MAP2: variants seen among roughly 807,000 people sequenced by gnomAD.
MAP2 encodes microtubule associated protein 2, also known as microtubule-associated protein 2.
Under a neutral mutation model 137.6 loss-of-function variants are expected in MAP2, and 14 were observed. That is an observed-to-expected ratio of 0.10 (90% CI 0.07 to 0.16). The LOEUF (loss-of-function observed/expected upper bound fraction) is 0.16. Ranked by LOEUF, MAP2 falls within the 10% of genes least tolerant of loss-of-function variation. MAP2 has a pLI of 1.00. For missense variants in MAP2, 2,088 were observed against 2,191.5 expected (o/e 0.95, Z 0.94); for synonymous variants, 786 against 782.3 (o/e 1.00, Z -0.08).
chr2:209,591,938 A>C (rs2079364393), intron 3 of MAP2, among the ~76,000 whole-genome samples: 1 of 152,180 alleles, frequency 6.6e-6, no homozygotes, highest in Admixed American at 6.5e-5. Flanking sequence ...GTTGATTCAA[A>C]AATATTTTGA....
At chr2:209,543,586 T>A (rs970424088) in intron 2 of MAP2, among the ~76,000 whole-genome samples, 2 of 152,230 alleles carry the variant, frequency 1.3e-5, no homozygotes, top group Non-Finnish European at 2.9e-5. Context: ...CTCCTTAGAA[T>A]ACAACGCTTC....
intron 1 of MAP2, among the ~76,000 whole-genome samples, chr2:209,491,517 G>A (rs572508823): frequency 3.0e-4 from 46 of 152,114 alleles, no homozygotes; most frequent in Admixed American, 7.9e-4. Context: ...GAGCTAGTTT[G>A]TTTGAAAAGA....
At position 209,508,584 on chromosome 2, in the gene MAP2, C is replaced by CCA. The variant is rs56195417; in HGVS notation, c.-172+970_-172+971dup. The stretch of plus-strand genomic sequence containing the variant: ...GACACACAGACACACTCTCTCTGTC[C>CCA]CACACACACACACACACACACACAC... On this transcript the variant is annotated intron_variant, in intron 2 of 15. Transcript: ENST00000682079. Among the ~76,000 whole-genome samples the CCA allele has an allele frequency of 5.1e-3, 746 of 146,012 alleles. 4 individuals carry two copies. The highest frequency in any genetic ancestry group is 0.012 in the African/African-American group (448 of 37,950).
intron 13 of MAP2, among the ~76,000 whole-genome samples, chr2:209,724,711 C>A (rs1156788546): frequency 1.3e-5 from 2 of 152,122 alleles, no homozygotes; most frequent in Non-Finnish European, 1.5e-5. Flanking sequence ...GTTTGCTGGC[C>A]CCCTTCAGGT....
chr2:209,533,202 T>C (rs759382475), intron 2 of MAP2, among the ~76,000 whole-genome samples: 58 of 152,186 alleles, frequency 3.8e-4, no homozygotes, highest in Non-Finnish European at 5.4e-4. Context: ...TGGAGTGCAA[T>C]GGCATGGTCT....
At chr2:209,542,679 A>T (rs1249228769) in intron 2 of MAP2, among the ~76,000 whole-genome samples, 4 of 152,156 alleles carry the variant, frequency 2.6e-5, no homozygotes, top group African/African-American at 9.7e-5. Context: ...TTTAACTTTT[A>T]TGTTATGAAG....
At chr2:209,714,242 A>G (rs968410046) in intron 13 of MAP2, among the ~76,000 whole-genome samples, 8 of 152,184 alleles carry the variant, frequency 5.3e-5, no homozygotes, top group African/African-American at 1.9e-4. Flanking sequence ...AGCACAAGTT[A>G]TATGCGCTTG....
intron 2 of MAP2, among the ~76,000 whole-genome samples, chr2:209,561,930 G>T (rs2072208430): frequency 6.6e-6 from 1 of 152,106 alleles, no homozygotes; most frequent in Non-Finnish European, 1.5e-5. Context: ...AAAATATAAT[G>T]ATATAGTTCT....
chr2:209,513,614 A>G (rs1234654431), intron 2 of MAP2, among the ~76,000 whole-genome samples: 1 of 151,734 alleles, frequency 6.6e-6, no homozygotes, highest in Non-Finnish European at 1.5e-5. Context: ...TCGGCCCCCT[A>G]TCTTTCTCTC....
chr2:209,427,547 T>C (rs544681799), intron 1 of MAP2, among the ~76,000 whole-genome samples: 2 of 152,304 alleles, frequency 1.3e-5, no homozygotes, highest in African/African-American at 4.8e-5. Flanking sequence ...TCCCTTCACA[T>C]CATTCTTTTT....
intron 1 of MAP2, among the ~76,000 whole-genome samples, chr2:209,443,740 A>T (rs1030331559): frequency 6.6e-6 from 1 of 151,618 alleles, no homozygotes; most frequent in Non-Finnish European, 1.5e-5. Flanking sequence ...TGTCAGGCAC[A>T]CATCATTGGA....
At chr2:209,428,817 T>G (rs1037357434) in intron 1 of MAP2, among the ~76,000 whole-genome samples, 1 of 152,106 alleles carries the variant, frequency 6.6e-6, no homozygotes, top group Admixed American at 6.5e-5. Context: ...ACTACCCTAT[T>G]TCTCCCGATT....
intron 14 of MAP2, among the ~76,000 whole-genome samples, chr2:209,727,036 ATAGG>A (rs1201912092): frequency 6.6e-6 from 1 of 152,148 alleles, no homozygotes; most frequent in East Asian, 1.9e-4. Flanking sequence ...AAAAACAAAG[ATAGG>A]TAGAATAAAT....
chr2:209,489,069 G>A (rs942920295), intron 1 of MAP2, among the ~76,000 whole-genome samples: 1 of 152,156 alleles, frequency 6.6e-6, no homozygotes, highest in Non-Finnish European at 1.5e-5. Flanking sequence ...GTGTCCATCT[G>A]GGACAAAGCT....
chr2:209,655,879 T>A (rs1347408116), intron 5 of MAP2, among the ~76,000 whole-genome samples: 1 of 152,240 alleles, frequency 6.6e-6, no homozygotes, highest in Non-Finnish European at 1.5e-5. Context: ...CATTACTGAT[T>A]AAATCAAAGA....
intron 4 of MAP2, 122 bp downstream of exon 4, chr2:209,625,251 TATAA>T (rs1335625115): frequency 6.6e-6 from 1 of 152,166 alleles, no homozygotes; most frequent in African/African-American, 2.4e-5. Context: ...AGAAATAACT[TATAA>T]ATAGTTATTT....
intron 2 of MAP2, among the ~76,000 whole-genome samples, chr2:209,512,556 TACACACACACACACACACACACACAC>T (rs150144839): frequency 7.6e-5 from 11 of 144,852 alleles, no homozygotes; most frequent in African/African-American, 2.3e-4. Context: ...CCAGAAGTTA[TACACACACACACACACACACACACAC>T]ACACACACAC....
In MAP2 at chr2:209,693,685, A is replaced by G. The variant is rs199806559; in HGVS notation, c.1515A>G (p.Gln505=). 6.2e-7 allele frequency: 1 copy of G among 1,613,724 alleles called. No individual in the cohort carries two copies. The highest frequency in any genetic ancestry group is 8.5e-7 in the Non-Finnish European group (1 of 1,179,958). ...ACTCGTTCCCTGTAAGTTTGGAGCA[A>G]GCAGTTACAGATTCAGCCATGACCT... is the stretch of plus-strand genomic sequence containing the variant. The part of the protein sequence containing the change: ...KQDSFPVSLE[Q]AVTDSAMTSK... Residue 505 remains glutamine, a synonymous_variant, in exon 8 of 16, where the codon CAA becomes CAG. Transcript: ENST00000682079.
chr2:209,434,895 G>GTT (rs1695446558), intron 1 of MAP2, among the ~76,000 whole-genome samples: 1 of 126,064 alleles, frequency 7.9e-6, no homozygotes, highest in Non-Finnish European at 1.6e-5. Flanking sequence ...TTATATATAT[G>GTT]TTATATATAT....
Sources: gnomAD v4.1 joint callset for allele counts (sites outside exome capture counted in the v4.1 genomes callset) on GRCh38, gnomAD v4.1.1 for gene constraint, MANE v1.5 for transcripts, NCBI Gene and HGNC (gene_info 2026-07-23, HGNC 2026-07-21) for gene names.